The following SLC14A2 variants were observed in gnomAD, a reference collection of about 807,000 sequenced individuals.
SLC14A2 encodes the protein urea transporter 2.
A neutral mutation model predicts 104.6 loss-of-function variants in SLC14A2; 91 were observed. That is an observed-to-expected ratio of 0.87 (90% CI 0.73 to 1.04). The LOEUF (loss-of-function observed/expected upper bound fraction) is 1.04, where lower values mean the gene tolerates loss of function less well. Ranked by LOEUF, SLC14A2 falls within the 50% of genes least tolerant of loss-of-function variation. SLC14A2 has a pLI of 0.00. For synonymous variants in SLC14A2, 476 were observed against 466.4 expected, an observed-to-expected ratio of 1.02 and a Z score of -0.27; for missense variants, 1,189 against 1,156.0, an observed-to-expected ratio of 1.03 and a Z score of -0.41.
chr18:45,428,450 A>G (rs1009960512), intron 1 of SLC14A2, among the ~76,000 whole-genome samples: 1 of 152,180 alleles, frequency 6.6e-6, no homozygotes. Context: ...ACTGTGCACA[A>G]TATTGGAAGT....
chr18:45,541,889 A>G (rs188861354), intron 2 of SLC14A2, among the ~76,000 whole-genome samples: 110 of 152,300 alleles, frequency 7.2e-4, no homozygotes, highest in Non-Finnish European at 1.3e-3. Flanking sequence ...TGCACAAAAC[A>G]GGGTCTTGCA....
chr18:45,597,653 A>C (rs1164978755), intron 2 of SLC14A2, among the ~76,000 whole-genome samples: 1 of 152,126 alleles, frequency 6.6e-6, no homozygotes, highest in Non-Finnish European at 1.5e-5. Flanking sequence ...GTGAGCTGGG[A>C]GGTCCCTGCA....
At chr18:45,244,389 A>G (rs914626134) in intron 1 of SLC14A2, among the ~76,000 whole-genome samples, 3 of 152,010 alleles carry the variant, frequency 2.0e-5, no homozygotes, top group Non-Finnish European at 2.9e-5. Context: ...CACTTTGGGA[A>G]GCCAAGGCGG....
chr18:45,322,210 C>T (rs1056732884), intron 1 of SLC14A2, among the ~76,000 whole-genome samples: 2 of 152,182 alleles, frequency 1.3e-5, no homozygotes, highest in Non-Finnish European at 2.9e-5. Context: ...TCACATCTCA[C>T]ATTTGTAGAT....
intron 2 of SLC14A2, among the ~76,000 whole-genome samples, chr18:45,562,342 G>A (rs1209739756): frequency 6.6e-6 from 1 of 152,240 alleles, no homozygotes; most frequent in Admixed American, 6.5e-5. Context: ...GACCAAGTAA[G>A]AGTGAAATCT....
At chr18:45,242,964 A>G (rs2084332520) in intron 1 of SLC14A2, among the ~76,000 whole-genome samples, 1 of 152,222 alleles carries the variant, frequency 6.6e-6, no homozygotes, top group Admixed American at 6.5e-5. Context: ...CTGAAAGTCC[A>G]TAATGAGATA....
Position 45,666,156 on chromosome 18 carries a change from C to T in SLC14A2, c.1494C>T (p.His498=), listed in dbSNP as rs761896521. Residue 498 remains histidine, a synonymous_variant, in exon 12 of 20, where the codon CAC becomes CAT. Coordinates refer to ENST00000255226, the MANE Select transcript of SLC14A2 (RefSeq NM_007163.4). ...RRSKVFGKGE[H]QERQNKDPFP... ...CTCCAGTGTTTGGAAAAGGCGAACA[C>T]CAGGAAAGACAAAACAAAGACCCAT... The T allele has an allele frequency of 1.2e-6, 2 of 1,613,542 alleles. No individual in the cohort carries two copies. Among genetic ancestry groups the T allele is most frequent in the African/African-American group, 1.3e-5 (1 of 74,846 alleles).
rs771422101 is a variant in SLC14A2 at position 45,669,482 on chromosome 18, A to G, written c.2213A>G (p.Glu738Gly). ...GCCATGCCCAACATCACCTGGTCAG[A>G]GGTCCAAGTGCCCTTGGTACGTATC... ...ASAMPNITWS[E>G]VQVPLLLRAI... The change falls in exon 16 of 20, where the codon GAG becomes GGG. Residue 738 changes from glutamate (E) to glycine (G), a missense_variant. By Grantham distance (98) the Glu-to-Gly change is moderately conservative. Coordinates refer to ENST00000255226, the MANE Select transcript of SLC14A2 (RefSeq NM_007163.4). The G allele has an allele frequency of 6.2e-7, 1 of 1,613,652 alleles. No individual in the cohort carries two copies. Among genetic ancestry groups the G allele is most frequent in the Non-Finnish European group, 8.5e-7 (1 of 1,179,666 alleles).
the SLC14A2 span, among the ~76,000 whole-genome samples, chr18:45,204,808 G>T: frequency 0.013 from 1,338 of 100,660 alleles, 20 homozygotes; most frequent in African/African-American, 0.047. Context: ...CTATCACTGA[G>T]ATAAAAAAAA....
chr18:45,263,839 T>C (rs1477118280), intron 1 of SLC14A2, among the ~76,000 whole-genome samples: 1 of 152,204 alleles, frequency 6.6e-6, no homozygotes, highest in East Asian at 1.9e-4. Context: ...GATCATTTTG[T>C]ATTTTCCTTA....
At chr18:45,324,929 T>C (rs2085219916) in intron 1 of SLC14A2, among the ~76,000 whole-genome samples, 1 of 152,158 alleles carries the variant, frequency 6.6e-6, no homozygotes, top group South Asian at 2.1e-4. Flanking sequence ...GGGGGAATTG[T>C]TGGCGGGACC....
At chr18:45,460,371 A>G (rs965140731) in intron 1 of SLC14A2, among the ~76,000 whole-genome samples, 2 of 152,168 alleles carry the variant, frequency 1.3e-5, no homozygotes, top group African/African-American at 4.8e-5. Flanking sequence ...TTCAGGTGCT[A>G]TCCCCACATG....
chr18:45,392,012 C>G (rs1313655192), intron 1 of SLC14A2, among the ~76,000 whole-genome samples: 1 of 152,202 alleles, frequency 6.6e-6, no homozygotes, highest in Non-Finnish European at 1.5e-5. Context: ...ATGCCTATGT[C>G]CAGAGACACT....
chr18:45,261,152 A>C (rs2144098605), intron 1 of SLC14A2, among the ~76,000 whole-genome samples: 2 of 151,458 alleles, frequency 1.3e-5, no homozygotes, highest in East Asian at 3.9e-4. Flanking sequence ...TCCTAATGAT[A>C]TTCCTCCCCC....
At chr18:45,632,645 G>A (rs1296866524) in intron 5 of SLC14A2, among the ~76,000 whole-genome samples, 167 bp downstream of exon 5, 1 of 152,142 alleles carries the variant, frequency 6.6e-6, no homozygotes, top group Non-Finnish European at 1.5e-5. Context: ...AACACAAGGG[G>A]GTCATTTGGA....
rs544636498 is a variant in SLC14A2, at chr18:45,469,499, AC to A, written c.-124-13733del. ...TAGAAGAAATGAAAAACAATAGGGA[AC>A]AACTGGCAGGCCTTTGTACCTAATT... On this transcript the variant is annotated intron_variant, in intron 1 of 20. Coordinates refer to the SLC14A2 transcript ENST00000586448. 1.3e-3 allele frequency among the ~76,000 whole-genome samples: 199 copies of A among 152,288 alleles called. 1 individual carries two copies. The highest frequency in any genetic ancestry group is 4.6e-3 in the African/African-American group (191 of 41,552).
chr18:45,579,670 A>G (rs771262201), intron 2 of SLC14A2, among the ~76,000 whole-genome samples: 2 of 152,252 alleles, frequency 1.3e-5, no homozygotes, highest in Non-Finnish European at 2.9e-5. Context: ...CATGGGCCAG[A>G]CACCAGCTGC....
intron 1 of SLC14A2, among the ~76,000 whole-genome samples, chr18:45,443,970 A>T (rs1446137638): frequency 6.6e-6 from 1 of 152,222 alleles, no homozygotes; most frequent in African/African-American, 2.4e-5. Flanking sequence ...TTAGCAGTAC[A>T]AAATTCCTGG....
intron 1 of SLC14A2, among the ~76,000 whole-genome samples, chr18:45,396,339 A>C (rs1226442010): frequency 6.6e-6 from 1 of 152,202 alleles, no homozygotes; most frequent in African/African-American, 2.4e-5. Context: ...TCCAGGGCAG[A>C]GTCCCATGGA....
Sources: allele counts gnomAD v4.1 joint callset (sites outside exome capture counted in the v4.1 genomes callset), GRCh38; gene constraint gnomAD v4.1.1; transcripts MANE v1.5; gene names NCBI Gene and HGNC (gene_info 2026-07-23, HGNC 2026-07-21).